The following ANK3 variants were observed in gnomAD, a reference collection of about 807,000 sequenced individuals.
ANK3 encodes ankyrin-3.
ANK3 carries 57 observed loss-of-function variants against 370.9 expected under a neutral mutation model. The ratio of observed to expected loss-of-function variants is 0.15; its 90% confidence interval spans 0.12 to 0.19. The LOEUF (loss-of-function observed/expected upper bound fraction) is 0.19, where lower values mean the gene tolerates loss of function less well. Among genes scored for constraint, ANK3 ranks in the 10% least tolerant of loss-of-function variants. ANK3 has a pLI of 1.00. For missense variants in ANK3, 4,439 were observed against 5,302.1 expected (o/e 0.84, Z 5.06); for synonymous variants, 1,929 against 1,946.3 (o/e 0.99, Z 0.23).
chr10:60,457,708 C>T (rs796811387), intron 2 of ANK3, among the ~76,000 whole-genome samples: 3 of 152,080 alleles, frequency 2.0e-5, no homozygotes, highest in South Asian at 2.1e-4. Context: ...GTTAGGGCCT[C>T]CTGATTTCTT....
At chr10:60,383,070 T>C (rs976500432) in intron 1 of ANK3, among the ~76,000 whole-genome samples, 3 of 152,038 alleles carry the variant, frequency 2.0e-5, no homozygotes, top group Admixed American at 2.0e-4. Context: ...ACCTCTCTTG[T>C]AGAGGTTTTG....
chr10:60,465,649 G>A (rs1164475887), intron 2 of ANK3, among the ~76,000 whole-genome samples: 1 of 152,134 alleles, frequency 6.6e-6, no homozygotes, highest in Non-Finnish European at 1.5e-5. Context: ...AAACATTGCA[G>A]GATTCTTCCC....
chr10:60,308,492 T>C (rs2045665417), intron 1 of ANK3, among the ~76,000 whole-genome samples: 1 of 152,002 alleles, frequency 6.6e-6, no homozygotes, highest in African/African-American at 2.4e-5. Flanking sequence ...GCAAGGCTGG[T>C]CTCGAACTCC....
intron 43 of ANK3, among the ~76,000 whole-genome samples, chr10:60,035,682 GA>G (rs1360177210): frequency 6.6e-6 from 1 of 151,052 alleles, no homozygotes; most frequent in Non-Finnish European, 1.5e-5. Flanking sequence ...TTGTTAACAG[GA>G]ATTTTTTAAG....
intron 2 of ANK3, among the ~76,000 whole-genome samples, chr10:60,612,642 C>A (rs1208608309): frequency 6.6e-6 from 1 of 152,180 alleles, no homozygotes; most frequent in Non-Finnish European, 1.5e-5. Context: ...CAGGCGCTTG[C>A]CACCATGCCC....
intron 2 of ANK3, among the ~76,000 whole-genome samples, chr10:60,491,364 C>T (rs2075498742): frequency 6.6e-6 from 1 of 152,162 alleles, no homozygotes; most frequent in Non-Finnish European, 1.5e-5. Flanking sequence ...TGGCAAAATG[C>T]AGGAAGAACC....
At chr10:60,203,218 A>G (rs771330077) in intron 11 of ANK3, 118 bp from the exon 12 acceptor site, 3 of 628,712 alleles carry the variant, frequency 4.8e-6, no homozygotes, top group Non-Finnish European at 8.5e-6. Context: ...TCGGATTAGA[A>G]GACATCAGGA....
intron 2 of ANK3, among the ~76,000 whole-genome samples, chr10:60,531,980 C>G (rs974389891): frequency 3.3e-5 from 5 of 152,166 alleles, no homozygotes; most frequent in South Asian, 4.1e-4. Flanking sequence ...ACTCTGCAGA[C>G]TGGCTGCAGA....
At chr10:60,568,676 G>A (rs1035068887) in intron 2 of ANK3, among the ~76,000 whole-genome samples, 9 of 152,166 alleles carry the variant, frequency 5.9e-5, no homozygotes, top group African/African-American at 2.2e-4. Flanking sequence ...CCTAAGTTGT[G>A]AACCTGGATA....
intron 27 of ANK3, among the ~76,000 whole-genome samples, chr10:60,107,400 A>T (rs1438239015): frequency 2.0e-5 from 3 of 152,164 alleles, no homozygotes; most frequent in Non-Finnish European, 4.4e-5. Flanking sequence ...GGCTTTATGT[A>T]TGATGTTCAA....
chr10:60,507,149 C>T (rs976517781), intron 2 of ANK3, among the ~76,000 whole-genome samples: 5 of 151,908 alleles, frequency 3.3e-5, no homozygotes, highest in African/African-American at 9.7e-5. Context: ...TTCTAAAATA[C>T]GTACAATTAT....
chr10:60,429,288 T>G (rs1289716536), intron 2 of ANK3, among the ~76,000 whole-genome samples: 1 of 152,094 alleles, frequency 6.6e-6, no homozygotes, highest in Non-Finnish European at 1.5e-5. Context: ...CTATCTTCCT[T>G]CCTGTTTCTC....
intron 1 of ANK3, among the ~76,000 whole-genome samples, chr10:60,370,859 A>T (rs1010729826): frequency 1.3e-5 from 2 of 152,188 alleles, no homozygotes; most frequent in Non-Finnish European, 2.9e-5. Flanking sequence ...CTGAGATAAC[A>T]TTTCTTACTT....
intron 42 of ANK3, among the ~76,000 whole-genome samples, chr10:60,054,506 AACTT>A (rs924242124): frequency 5.3e-5 from 8 of 152,182 alleles, no homozygotes; most frequent in African/African-American, 1.9e-4. Context: ...ATATCAAAGC[AACTT>A]ACTTACAGGG....
intron 2 of ANK3, among the ~76,000 whole-genome samples, chr10:60,613,763 A>AC (rs201580058): frequency 0.049 from 7,364 of 151,766 alleles, 272 homozygotes; most frequent in East Asian, 0.2. Context: ...CAAAAACAAA[A>AC]AAAAAAATCA....
chr10:60,676,329 G>T (rs993912769), intron 1 of ANK3, among the ~76,000 whole-genome samples: 6 of 152,034 alleles, frequency 3.9e-5, no homozygotes, highest in Admixed American at 1.3e-4. Flanking sequence ...TCATATGTCC[G>T]TTAAATTTTA....
At chr10:60,319,403 C>T (rs2048146908) in intron 1 of ANK3, among the ~76,000 whole-genome samples, 1 of 152,178 alleles carries the variant, frequency 6.6e-6, no homozygotes, top group Non-Finnish European at 1.5e-5. Context: ...AACTTGTTCT[C>T]ATTAACGTAG....
Position 60,510,577 on chromosome 10 carries a change from G to A in ANK3, c.96+104609C>T, listed in dbSNP as rs1036263095. Among the ~76,000 whole-genome samples, 4 of 152,104 alleles carry A rather than the reference G, an allele frequency of 2.6e-5. No individual in the cohort carries two copies. In the East Asian group the frequency reaches 7.7e-4, roughly 29 times the overall value. On this transcript the variant is annotated intron_variant, in intron 2 of 43. Coordinates refer to the ANK3 transcript ENST00000373827. ...CACGCCTATAACAGCACTTTGGGAG[G>A]CCCAGGCAGGCAGATCACTTGAGGT...
chr10:60,203,053 A>G lies in ANK3; in HGVS notation c.1341T>C (p.Asn447=). ...IHVAAFMGHV[N]IVSQLMHHGA... ...CATGATGCATTAGTTGTGATACAATATTTACATGCCCCATGAAGGCAGCAA... is the reference window on the plus strand; with the variant it reads ...CATGATGCATTAGTTGTGATACAATGTTTACATGCCCCATGAAGGCAGCAA... Residue 447 remains asparagine (N), a synonymous_variant, in exon 12 of 44, where the codon AAT becomes AAC. Coordinates refer to ENST00000280772, the MANE Select transcript of ANK3 (RefSeq NM_020987.5). 1.2e-6 allele frequency: 2 copies of G among 1,613,704 alleles called. No individual in the cohort carries two copies. Among genetic ancestry groups the G allele is most frequent in the Non-Finnish European group, 1.7e-6 (2 of 1,179,778 alleles).
Sources: allele counts gnomAD v4.1 joint callset (sites outside exome capture counted in the v4.1 genomes callset), GRCh38; gene constraint gnomAD v4.1.1; transcripts MANE v1.5; gene names NCBI Gene and HGNC (gene_info 2026-07-23, HGNC 2026-07-21).